GALNTL6: variants seen among roughly 807,000 people sequenced by gnomAD.
GALNTL6 encodes polypeptide N-acetylgalactosaminyltransferase-like 6.
A neutral mutation model predicts 73.7 loss-of-function variants in GALNTL6; 46 were observed. That is an observed-to-expected ratio of 0.62 (90% CI 0.49 to 0.80). The LOEUF is 0.80. Among genes scored for constraint, GALNTL6 ranks in the 30% least tolerant of loss-of-function variants. The probability of loss-of-function intolerance (pLI) is 0.00; values close to 1 mark genes in which losing one functional copy is unlikely to be tolerated. For synonymous variants in GALNTL6, 259 were observed against 263.7 expected (o/e 0.98, Z 0.17); for missense variants, 604 against 755.0 (o/e 0.80, Z 2.34).
At chr4:172,049,590 A>AT in intron 2 of GALNTL6, among the ~76,000 whole-genome samples, 1 of 152,336 alleles carries the variant, frequency 6.6e-6, no homozygotes, top group East Asian at 1.9e-4. Context: ...GGGTGGAAAG[A>AT]TTGATTTCTA....
At chr4:172,581,063 G>C (rs903805571) in intron 5 of GALNTL6, among the ~76,000 whole-genome samples, 1 of 152,106 alleles carries the variant, frequency 6.6e-6, no homozygotes, top group African/African-American at 2.4e-5. Context: ...TGCCCGGCTG[G>C]CTGTTTTCTA....
chr4:173,035,973 TA>T (rs1427420257), intron 12 of GALNTL6, among the ~76,000 whole-genome samples: 2 of 152,216 alleles, frequency 1.3e-5, no homozygotes, highest in Non-Finnish European at 2.9e-5. Context: ...GTTATTTACT[TA>T]TAGGCAGGAC....
At chr4:172,897,403 C>G (rs1196216814) in intron 8 of GALNTL6, among the ~76,000 whole-genome samples, 1 of 152,222 alleles carries the variant, frequency 6.6e-6, no homozygotes, top group African/African-American at 2.4e-5. Flanking sequence ...CCACTCTGAG[C>G]TAGGACCTCA....
intron 5 of GALNTL6, among the ~76,000 whole-genome samples, chr4:172,546,584 T>G (rs915157008): frequency 3.3e-5 from 5 of 151,514 alleles, no homozygotes; most frequent in Admixed American, 6.6e-5. Flanking sequence ...CCATGATAAG[T>G]AGACCTGGAA....
chr4:173,000,653 C>A (rs1050554552), intron 10 of GALNTL6, among the ~76,000 whole-genome samples: 1 of 152,144 alleles, frequency 6.6e-6, no homozygotes, highest in Non-Finnish European at 1.5e-5. Context: ...AATTTCAAAA[C>A]TTAATACAAA....
intron 5 of GALNTL6, among the ~76,000 whole-genome samples, chr4:172,413,906 C>A (rs1160707429): frequency 1.3e-5 from 2 of 152,016 alleles, no homozygotes; most frequent in African/African-American, 4.8e-5. Flanking sequence ...GTAGGTCTGT[C>A]TTTCACTGCC....
rs1476019092 is a variant in GALNTL6, at chr4:172,730,696, G to A, written c.554-78665G>A. 3.3e-5 allele frequency among the ~76,000 whole-genome samples: 5 copies of A among 151,998 alleles called. No individual in the cohort carries two copies. In the South Asian group the frequency reaches 8.3e-4, roughly 25 times the overall value. On this transcript the variant is annotated intron_variant, in intron 5 of 12. Coordinates refer to ENST00000506823, the MANE Select transcript of GALNTL6 (RefSeq NM_001034845.3). Reference sequence around the variant, plus strand: ...TGGCCTGTAGTTTTATTTTCTTGTAGCATCCTTGTCTGGTTTTGGTATTAG... The same window carrying A: ...TGGCCTGTAGTTTTATTTTCTTGTAACATCCTTGTCTGGTTTTGGTATTAG...
At chr4:172,446,078 G>A (rs1482084137) in intron 5 of GALNTL6, among the ~76,000 whole-genome samples, 1 of 151,948 alleles carries the variant, frequency 6.6e-6, no homozygotes, top group Admixed American at 6.6e-5. Flanking sequence ...AAAAGCAGCA[G>A]GTGTAATAAT....
intron 5 of GALNTL6, among the ~76,000 whole-genome samples, chr4:172,637,476 T>G (rs1739751495): frequency 6.6e-6 from 1 of 152,176 alleles, no homozygotes; most frequent in Non-Finnish European, 1.5e-5. Flanking sequence ...GTATTTACCT[T>G]TCATTAACAT....
intron 2 of GALNTL6, among the ~76,000 whole-genome samples, chr4:171,833,807 C>T (rs917704673): frequency 2.0e-5 from 3 of 151,666 alleles, no homozygotes; most frequent in Admixed American, 6.6e-5. Flanking sequence ...TATTTTAGAA[C>T]GTGCTTATAT....
chr4:173,031,534 C>T (rs1753460207), intron 12 of GALNTL6, among the ~76,000 whole-genome samples: 1 of 152,030 alleles, frequency 6.6e-6, no homozygotes, highest in Non-Finnish European at 1.5e-5. Flanking sequence ...AATTCAAATT[C>T]ACTGAATGAA....
At chr4:172,902,271 T>C (rs958271921) in intron 8 of GALNTL6, among the ~76,000 whole-genome samples, 5 of 152,184 alleles carry the variant, frequency 3.3e-5, no homozygotes, top group Non-Finnish European at 7.3e-5. Flanking sequence ...TCCCCAAAGA[T>C]TAAAGTCCAA....
chr4:172,887,211 C>T (rs1221703569), intron 8 of GALNTL6, among the ~76,000 whole-genome samples: 1 of 152,154 alleles, frequency 6.6e-6, no homozygotes, highest in Non-Finnish European at 1.5e-5. Context: ...ATATGTACCA[C>T]ATTATCATAA....
chr4:172,609,986 G>A (rs370098782), intron 5 of GALNTL6, among the ~76,000 whole-genome samples: 4 of 151,982 alleles, frequency 2.6e-5, no homozygotes, highest in African/African-American at 9.7e-5. Context: ...GTGCATAGAG[G>A]TATTCATAAT....
At chr4:172,105,958 G>A (rs536197862) in intron 2 of GALNTL6, among the ~76,000 whole-genome samples, 52 of 152,266 alleles carry the variant, frequency 3.4e-4, no homozygotes, top group Non-Finnish European at 6.0e-4. Flanking sequence ...ATATGGAATT[G>A]TAAAAATGAA....
intron 5 of GALNTL6, among the ~76,000 whole-genome samples, chr4:172,707,417 C>G (rs1324104931): frequency 2.0e-5 from 3 of 152,168 alleles, no homozygotes; most frequent in Non-Finnish European, 4.4e-5. Flanking sequence ...CACTAATATG[C>G]AGCCTCTTTT....
At chr4:172,905,812 C>CAAAAAAAAA (rs397996287) in intron 8 of GALNTL6, among the ~76,000 whole-genome samples, 6 of 69,684 alleles carry the variant, frequency 8.6e-5, no homozygotes, top group Admixed American at 1.6e-4. Context: ...AGAGATCACT[C>CAAAAAAAAA]AAAAAAAAAA....
chr4:172,582,266 G>A (rs1311947900), intron 5 of GALNTL6, among the ~76,000 whole-genome samples: 5 of 152,160 alleles, frequency 3.3e-5, no homozygotes, highest in Non-Finnish European at 5.9e-5. Context: ...TCGTAGCTAT[G>A]CTCACTTAAT....
chr4:172,587,926 A>C (rs1737479575), intron 5 of GALNTL6, among the ~76,000 whole-genome samples: 1 of 152,078 alleles, frequency 6.6e-6, no homozygotes, highest in South Asian at 2.1e-4. Context: ...TAATTATCCA[A>C]TTTTCTATTT....
Sources: gnomAD v4.1 joint callset for allele counts (sites outside exome capture counted in the v4.1 genomes callset) on GRCh38, gnomAD v4.1.1 for gene constraint, MANE v1.5 for transcripts, NCBI Gene and HGNC (gene_info 2026-07-23, HGNC 2026-07-21) for gene names.